The following ADGRL3 variants were observed in gnomAD, a reference collection of about 807,000 sequenced individuals.
ADGRL3 encodes the protein calcium-independent alpha-latrotoxin receptor 3.
ADGRL3 carries 62 observed loss-of-function variants against 153.5 expected under a neutral mutation model. The observed-to-expected ratio is 0.40, with a 90% CI of 0.33 to 0.50. The LOEUF (loss-of-function observed/expected upper bound fraction) is 0.50. ADGRL3 is among the 20% of genes least tolerant of loss of function. The probability of loss-of-function intolerance (pLI) is 0.47; values close to 1 mark genes in which losing one functional copy is unlikely to be tolerated. For synonymous variants in ADGRL3, 710 were observed against 672.5 expected (o/e 1.06, Z -0.86); for missense variants, 1,641 against 1,859.4 (o/e 0.88, Z 2.16).
At chr4:61,685,066 C>A (rs1247173121) in intron 6 of ADGRL3, among the ~76,000 whole-genome samples, 2 of 151,962 alleles carry the variant, frequency 1.3e-5, no homozygotes, top group African/African-American at 4.8e-5. Context: ...CAGGCGTGCA[C>A]CATCACACCT....
intron 8 of ADGRL3, among the ~76,000 whole-genome samples, chr4:61,760,593 C>T (rs950827113): frequency 7.2e-5 from 11 of 152,166 alleles, no homozygotes; most frequent in African/African-American, 2.7e-4. Flanking sequence ...ATTCCCTGAC[C>T]CTTGCACTTC....
chr4:61,520,290 A>G (rs947102931), intron 4 of ADGRL3, among the ~76,000 whole-genome samples: 6 of 152,178 alleles, frequency 3.9e-5, no homozygotes, highest in African/African-American at 7.2e-5. Flanking sequence ...GTTTTTTTCA[A>G]TCAGCATATT....
chr4:61,298,554 A>T (rs1404165698), intron 1 of ADGRL3, among the ~76,000 whole-genome samples: 1 of 152,182 alleles, frequency 6.6e-6, no homozygotes, highest in Non-Finnish European at 1.5e-5. Context: ...TTTATCATTC[A>T]CATTCTCTGC....
At chr4:61,544,454 G>C (rs2098704481) in intron 4 of ADGRL3, among the ~76,000 whole-genome samples, 1 of 151,896 alleles carries the variant, frequency 6.6e-6, no homozygotes, top group Admixed American at 6.6e-5. Context: ...ACTACTGATG[G>C]TAAGTAAGCC....
At chr4:61,635,504 T>G (rs770952012) in intron 5 of ADGRL3, among the ~76,000 whole-genome samples, 2 of 152,042 alleles carry the variant, frequency 1.3e-5, no homozygotes, top group African/African-American at 2.4e-5. Context: ...GAGGTATACC[T>G]CTCATGCATC....
chr4:61,975,188 T>C (rs1003706629), intron 17 of ADGRL3, among the ~76,000 whole-genome samples: 1 of 151,982 alleles, frequency 6.6e-6, no homozygotes, highest in African/African-American at 2.4e-5. Flanking sequence ...AAGGGGAAAA[T>C]AATGCAAGGA....
chr4:61,836,645 A>G (rs574702934), intron 9 of ADGRL3, among the ~76,000 whole-genome samples: 1 of 152,206 alleles, frequency 6.6e-6, no homozygotes, highest in South Asian at 2.1e-4. Context: ...TTTTCCTTGA[A>G]TAACAACGTT....
At chr4:61,385,991 A>G (rs144781960) in intron 2 of ADGRL3, among the ~76,000 whole-genome samples, 2 of 152,146 alleles carry the variant, frequency 1.3e-5, no homozygotes, top group African/African-American at 4.8e-5. Flanking sequence ...TGCTATTTTC[A>G]TCTGTTCAGT....
chr4:61,442,587 T>C (rs1438746290), intron 2 of ADGRL3, among the ~76,000 whole-genome samples: 1 of 151,984 alleles, frequency 6.6e-6, no homozygotes, highest in African/African-American at 2.4e-5. Context: ...AGAAGGCAGT[T>C]ATGAGGAGTA....
At chr4:61,341,670 G>A (rs759147022) in intron 1 of ADGRL3, among the ~76,000 whole-genome samples, 4 of 152,008 alleles carry the variant, frequency 2.6e-5, no homozygotes, top group Non-Finnish European at 4.4e-5. Flanking sequence ...ATCTTCTTCT[G>A]ATAGTGTATA....
At chr4:61,646,199 A>G (rs940593607) in intron 5 of ADGRL3, among the ~76,000 whole-genome samples, 1 of 151,876 alleles carries the variant, frequency 6.6e-6, no homozygotes, top group African/African-American at 2.4e-5. Context: ...AATTTTTTTC[A>G]AAGTTTTCAA....
chr4:61,721,773 G>T (rs971805847), intron 6 of ADGRL3, among the ~76,000 whole-genome samples: 1 of 152,112 alleles, frequency 6.6e-6, no homozygotes, highest in Non-Finnish European at 1.5e-5. Flanking sequence ...GTATGTGAGT[G>T]CTCAGTGACA....
intron 2 of ADGRL3, among the ~76,000 whole-genome samples, chr4:61,491,650 C>A (rs2098259110): frequency 6.6e-6 from 1 of 152,042 alleles, no homozygotes. Flanking sequence ...GAACTCCTGG[C>A]CTCAAGCAAT....
intron 20 of ADGRL3, among the ~76,000 whole-genome samples, chr4:61,997,683 A>G (rs542713296): frequency 1.1e-4 from 16 of 152,174 alleles, no homozygotes; most frequent in African/African-American, 3.4e-4. Context: ...TTTAGTCCTC[A>G]TTTATTGTAG....
intron 5 of ADGRL3, among the ~76,000 whole-genome samples, chr4:61,596,099 A>G (rs1437998757): frequency 6.6e-6 from 1 of 151,938 alleles, no homozygotes; most frequent in African/African-American, 2.4e-5. Flanking sequence ...TCTTTTAGCA[A>G]TATGAAGCTA....
chr4:61,876,770 A>G (rs2098477902), intron 9 of ADGRL3, among the ~76,000 whole-genome samples: 2 of 151,886 alleles, frequency 1.3e-5, no homozygotes, highest in South Asian at 4.1e-4. Context: ...ATGGGGAGGC[A>G]TGAATAATCC....
chr4:61,813,732 T>A, intron 8 of ADGRL3, 77 bp from the exon 9 acceptor site: 1 of 1,538,806 alleles, frequency 6.5e-7, no homozygotes, highest in South Asian at 1.2e-5. Context: ...TGAAATAGTG[T>A]TATATCATAA....
At chr4:61,467,043 T>C (rs1330413163) in intron 2 of ADGRL3, among the ~76,000 whole-genome samples, 1 of 152,176 alleles carries the variant, frequency 6.6e-6, no homozygotes, top group African/African-American at 2.4e-5. Context: ...CAATATGTGA[T>C]AAGTACTTGT....
intron 2 of ADGRL3, among the ~76,000 whole-genome samples, chr4:61,461,965 A>T (rs981733117): frequency 1.3e-5 from 2 of 152,186 alleles, no homozygotes; most frequent in Non-Finnish European, 2.9e-5. Context: ...ATTCAAACAA[A>T]AGCACTGAAA....
Sources: gnomAD v4.1 joint callset for allele counts (sites outside exome capture counted in the v4.1 genomes callset) on GRCh38, gnomAD v4.1.1 for gene constraint, MANE v1.5 for transcripts, NCBI Gene and HGNC (gene_info 2026-07-23, HGNC 2026-07-21) for gene names.